Variants in FLRT2 observed in about 807,000 individuals in gnomAD.
FLRT2 encodes fibronectin leucine rich transmembrane protein 2, also known as leucine-rich repeat transmembrane protein FLRT2.
FLRT2 carries 15 observed loss-of-function variants against 40.0 expected under a neutral mutation model. The ratio of observed to expected loss-of-function variants is 0.38; its 90% CI spans 0.25 to 0.58. FLRT2 has a LOEUF of 0.58. FLRT2 is among the 20% of genes least tolerant of loss of function. The pLI is 0.71. For missense variants in FLRT2, 726 were observed against 840.0 expected, an observed-to-expected ratio of 0.86 and a Z score of 1.68; for synonymous variants, 380 against 336.8, an observed-to-expected ratio of 1.13 and a Z score of -1.41.
intron 1 of FLRT2, among the ~76,000 whole-genome samples, chr14:85,607,813 G>A (rs1401684530): frequency 2.0e-5 from 3 of 152,178 alleles, no homozygotes; most frequent in Admixed American, 6.5e-5. Flanking sequence ...CATACTGCCC[G>A]AACAAAGTAC....
At chr14:85,598,750 G>A (rs975012499) in intron 1 of FLRT2, among the ~76,000 whole-genome samples, 2 of 152,022 alleles carry the variant, frequency 1.3e-5, no homozygotes, top group Admixed American at 6.6e-5. Context: ...AACACTTCCC[G>A]TTAGTGACAG....
intron 1 of FLRT2, chr14:85,551,773 A>C (rs1889637720): frequency 6.6e-6 from 1 of 152,154 alleles, no homozygotes; most frequent in Non-Finnish European, 1.5e-5. Context: ...GTGGTGAGAA[A>C]CTTGAAGGTG....
rs765658388 is a variant in FLRT2 at position 85,623,142 on chromosome 14, T to C, written c.1628T>C (p.Leu543Pro). Residue 543 changes from leucine to proline, a missense_variant, in exon 2 of 2, where the codon CTG (leucine) becomes CCG (proline). Coordinates refer to ENST00000330753, the MANE Select transcript of FLRT2 (RefSeq NM_013231.6). ...TSHSMGSPFL[L>P]AGLIGGAVIF... The stretch of plus-strand genomic sequence containing the variant: ...CACAGCATGGGCTCCCCCTTTCTGC[T>C]GGCGGGCTTGATCGGGGGCGCGGTG... The C allele has an allele frequency of 6.3e-7, 1 of 1,598,876 alleles. No individual in the cohort carries two copies. The highest frequency in any genetic ancestry group is 1.1e-5 in the South Asian group (1 of 89,200).
In FLRT2 at chr14:85,622,173, G is replaced by T. The variant is rs1048438509; in HGVS notation, c.659G>T (p.Gly220Val). 1.9e-6 allele frequency: 3 copies of T among 1,613,986 alleles called. No homozygotes were observed. Among genetic ancestry groups the T allele is most frequent in the African/African-American group, 1.3e-5 (1 of 74,904 alleles). The change falls in exon 2 of 2, where the codon GGT becomes GTT. Residue 220 changes from glycine to valine, a missense_variant. Transcript: ENST00000330753. ...GACGGGAACCTCCTGACCAACAAGG[G>T]TATCGCCGAGGGCACCTTCAGCCAT... ...IVDGNLLTNK[G>V]IAEGTFSHLT...
rs1437677788 is a variant in FLRT2 at position 85,637,736 on chromosome 14, T to C, written c.*14239T>C. 1 of 152,226 alleles carries C rather than the reference T, an allele frequency of 6.6e-6. No homozygotes were observed. The highest frequency in any genetic ancestry group is 1.5e-5 in the Non-Finnish European group (1 of 68,038). The allele number at this position is 152,226 out of a possible 1,614,324, so 9.4% of individuals were successfully genotyped here. On this transcript the variant is annotated 3_prime_UTR_variant, in exon 2 of 2. Coordinates refer to ENST00000330753, the MANE Select transcript of FLRT2 (RefSeq NM_013231.6). ...CTTGGGTAGGCTCATCTATCACTTGTCTTAAAGGAAGATTTGAAACATAAT... is the reference window on the plus strand; with the variant it reads ...CTTGGGTAGGCTCATCTATCACTTGCCTTAAAGGAAGATTTGAAACATAAT...
At chr14:85,617,631 G>T (rs1956631) in intron 1 of FLRT2, among the ~76,000 whole-genome samples, 67,105 of 151,922 alleles carry the variant, frequency 0.44, 15,401 homozygotes, top group African/African-American at 0.54. Flanking sequence ...AAATTTAAAT[G>T]TAGAAAATCA....
At chr14:85,533,186 G>C (rs376649171) in intron 1 of FLRT2, among the ~76,000 whole-genome samples, 3 of 152,072 alleles carry the variant, frequency 2.0e-5, no homozygotes, top group African/African-American at 7.2e-5. Context: ...AGGGCTCCAG[G>C]AGCGGAGCGC....
At chr14:85,569,815 G>C (rs940017702) in intron 1 of FLRT2, among the ~76,000 whole-genome samples, 1 of 152,130 alleles carries the variant, frequency 6.6e-6, no homozygotes, top group Non-Finnish European at 1.5e-5. Context: ...GAGGGATTTT[G>C]CATTAGCCAA....
Position 85,636,056 on chromosome 14 carries a change from A to G in FLRT2, c.*12559A>G, listed in dbSNP as rs1172733678. 6.6e-6 allele frequency: 1 copy of G among 152,114 alleles called. No individual in the cohort carries two copies. The highest frequency in any genetic ancestry group is 1.9e-4 in the East Asian group (1 of 5,192). The allele number at this position is 152,114 out of a possible 1,614,324, so 9.4% of individuals were successfully genotyped here. On this transcript the variant is annotated 3_prime_UTR_variant, in exon 2 of 2. Coordinates refer to ENST00000330753, the MANE Select transcript of FLRT2 (RefSeq NM_013231.6). The stretch of plus-strand genomic sequence containing the variant: ...GAAAGTGGTCCTTGGGACTCAGATT[A>G]AGGTATCATTACCTGTTCTTTCATA...
chr14:85,632,545 T>A lies in FLRT2; in HGVS notation c.*9048T>A, dbSNP rs920544027. The A allele has an allele frequency of 1.3e-5, 2 of 150,832 alleles. No homozygotes were observed. The highest frequency in any genetic ancestry group is 4.9e-5 in the African/African-American group (2 of 41,084). The allele number at this position is 150,832 out of a possible 1,614,324, so 9.3% of individuals were successfully genotyped here. ...CACAAAGCACAAGTAGACACAAAGT[T>A]AAACATTTCGACAGTCGGCTAGTCA... On this transcript the variant is annotated 3_prime_UTR_variant, in exon 2 of 2. Coordinates refer to ENST00000330753, the MANE Select transcript of FLRT2 (RefSeq NM_013231.6).
chr14:85,570,561 T>TTTA (rs541176244), intron 1 of FLRT2, among the ~76,000 whole-genome samples: 54 of 139,298 alleles, frequency 3.9e-4, no homozygotes, highest in African/African-American at 1.2e-3. Flanking sequence ...TTTTTATTTA[T>TTTA]TTTATTTATT....
chr14:85,589,100 AC>A (rs1228213704), intron 1 of FLRT2, among the ~76,000 whole-genome samples: 1 of 152,168 alleles, frequency 6.6e-6, no homozygotes, highest in African/African-American at 2.4e-5. Flanking sequence ...CAGATGGCCA[AC>A]ATTTTCTTTC....
chr14:85,532,900 G>A (rs984810143), intron 1 of FLRT2, among the ~76,000 whole-genome samples: 1 of 152,150 alleles, frequency 6.6e-6, no homozygotes, highest in Non-Finnish European at 1.5e-5. Flanking sequence ...GCAGGTATGG[G>A]GAATTCTCCT....
chr14:85,552,162 T>C (rs938861529), intron 1 of FLRT2, among the ~76,000 whole-genome samples: 2 of 152,184 alleles, frequency 1.3e-5, no homozygotes, highest in African/African-American at 4.8e-5. Context: ...TCTTCATCTG[T>C]ACAAGGCCGG....
At chr14:85,573,351 G>T (rs781458752) in intron 1 of FLRT2, among the ~76,000 whole-genome samples, 13 of 151,974 alleles carry the variant, frequency 8.6e-5, no homozygotes, top group Non-Finnish European at 1.8e-4. Flanking sequence ...ATCTTTGGGA[G>T]CAAAAAGTAA....
intron 1 of FLRT2, among the ~76,000 whole-genome samples, chr14:85,609,626 G>A (rs556016184): frequency 2.0e-5 from 3 of 152,138 alleles, no homozygotes; most frequent in African/African-American, 7.2e-5. Flanking sequence ...AGGAGACTTG[G>A]TTCTAGAAAC....
chr14:85,590,074 A>G (rs1227117358), intron 1 of FLRT2, among the ~76,000 whole-genome samples: 2 of 145,226 alleles, frequency 1.4e-5, no homozygotes, highest in Non-Finnish European at 3.0e-5. Flanking sequence ...TTTTTTTTTT[A>G]AACATAACAT....
At chr14:85,545,896 G>T (rs537881477) in intron 1 of FLRT2, among the ~76,000 whole-genome samples, 1 of 152,292 alleles carries the variant, frequency 6.6e-6, no homozygotes, top group African/African-American at 2.4e-5. Context: ...ATGACCAGAG[G>T]GAAGATAATA....
chr14:85,560,697 G>T (rs1024943968), intron 1 of FLRT2, among the ~76,000 whole-genome samples: 1 of 151,720 alleles, frequency 6.6e-6, no homozygotes, highest in Non-Finnish European at 1.5e-5. Flanking sequence ...TGTATGCTGT[G>T]TGACCAGGAA....
Sources: gnomAD v4.1 joint callset for allele counts (sites outside exome capture counted in the v4.1 genomes callset) on GRCh38, gnomAD v4.1.1 for gene constraint, MANE v1.5 for transcripts, NCBI Gene and HGNC (gene_info 2026-07-23, HGNC 2026-07-21) for gene names.